The following GPC5 variants were observed in gnomAD, a reference collection of about 807,000 sequenced individuals.
The protein encoded by GPC5 is glypican 5, also known as glypican-5.
In GPC5, 47 loss-of-function variants were observed where a neutral mutation model predicts 53.9. The ratio of observed to expected loss-of-function variants is 0.87; its 90% CI spans 0.69 to 1.11. GPC5 has a LOEUF of 1.11. Among genes scored for constraint, GPC5 ranks in the 50% most tolerant of loss-of-function variants. The probability of loss-of-function intolerance (pLI) is 0.00; values close to 1 mark genes in which losing one functional copy is unlikely to be tolerated. For synonymous variants in GPC5, 286 were observed against 263.3 expected, an observed-to-expected ratio of 1.09 and a Z score of -0.84; for missense variants, 748 against 713.1, an observed-to-expected ratio of 1.05 and a Z score of -0.56.
intron 7 of GPC5, among the ~76,000 whole-genome samples, chr13:92,728,609 C>T (rs1177917462): frequency 6.6e-6 from 1 of 151,236 alleles, no homozygotes; most frequent in African/African-American, 2.4e-5. Flanking sequence ...TAAATGTTGA[C>T]ACATAAAATA....
At chr13:91,718,256 G>A (rs898787850) in intron 3 of GPC5, among the ~76,000 whole-genome samples, 2 of 152,022 alleles carry the variant, frequency 1.3e-5, no homozygotes, top group Non-Finnish European at 2.9e-5. Flanking sequence ...GACTACAGGC[G>A]TCTGCCACCA....
intron 6 of GPC5, among the ~76,000 whole-genome samples, chr13:91,928,937 A>G (rs1170135981): frequency 1.3e-5 from 2 of 152,240 alleles, no homozygotes; most frequent in South Asian, 2.1e-4. Flanking sequence ...AGAAACGGCA[A>G]TATTTCACAG....
intron 7 of GPC5, among the ~76,000 whole-genome samples, chr13:92,850,114 C>A (rs531977126): frequency 6.6e-6 from 1 of 152,124 alleles, no homozygotes; most frequent in South Asian, 2.1e-4. Flanking sequence ...AAATATACAA[C>A]CTTTTTTTTA....
chr13:91,780,803 T>C (rs895517622), intron 5 of GPC5, among the ~76,000 whole-genome samples: 3 of 152,224 alleles, frequency 2.0e-5, no homozygotes, highest in Non-Finnish European at 4.4e-5. Flanking sequence ...TTCAACTTTG[T>C]TCAAGGTCAA....
chr13:91,418,962 A>G (rs1419044473), intron 1 of GPC5, among the ~76,000 whole-genome samples: 2 of 152,044 alleles, frequency 1.3e-5, no homozygotes, highest in African/African-American at 4.8e-5. Context: ...CAGTCCTGAA[A>G]GACAAAAGGT....
At chr13:92,236,881 G>A (rs2042574669) in intron 7 of GPC5, among the ~76,000 whole-genome samples, 1 of 150,730 alleles carries the variant, frequency 6.6e-6, no homozygotes, top group Non-Finnish European at 1.5e-5. Flanking sequence ...TGCAATCATT[G>A]TCTTTGCCTC....
intron 7 of GPC5, among the ~76,000 whole-genome samples, chr13:92,179,355 A>T (rs2042130464): frequency 6.6e-6 from 1 of 152,208 alleles, no homozygotes; most frequent in African/African-American, 2.4e-5. Flanking sequence ...TGACACAGCT[A>T]AGTGCAGATG....
chr13:91,716,646 A>C (rs2036344251), intron 3 of GPC5, among the ~76,000 whole-genome samples: 1 of 151,908 alleles, frequency 6.6e-6, no homozygotes, highest in African/African-American at 2.4e-5. Flanking sequence ...ATATGTTGAA[A>C]CTCCAGTCAG....
chr13:92,381,857 GATT>G (rs2043743620), intron 7 of GPC5, among the ~76,000 whole-genome samples: 1 of 56,116 alleles, frequency 1.8e-5, no homozygotes, highest in African/African-American at 5.5e-5. Context: ...GATCATATAT[GATT>G]ATATATATCA....
chr13:91,441,785 T>C (rs1347207101), intron 1 of GPC5, among the ~76,000 whole-genome samples: 2 of 152,184 alleles, frequency 1.3e-5, no homozygotes, highest in Non-Finnish European at 2.9e-5. Context: ...ACAAAGAAGA[T>C]AGTCTCCAAA....
At chr13:92,773,963 C>T (rs1047260162) in intron 7 of GPC5, among the ~76,000 whole-genome samples, 3 of 152,130 alleles carry the variant, frequency 2.0e-5, no homozygotes, top group South Asian at 2.1e-4. Context: ...GACAAGAGAG[C>T]ATGTGCAGGG....
intron 7 of GPC5, among the ~76,000 whole-genome samples, chr13:92,824,881 A>G (rs1417482979): frequency 6.6e-6 from 1 of 152,140 alleles, no homozygotes; most frequent in Non-Finnish European, 1.5e-5. Context: ...ATATTCCAAT[A>G]TATTTTCTAA....
At chr13:92,323,567 C>G (rs1267195810) in intron 7 of GPC5, among the ~76,000 whole-genome samples, 4 of 151,638 alleles carry the variant, frequency 2.6e-5, no homozygotes, top group Non-Finnish European at 3.0e-5. Flanking sequence ...ATTGTATTAT[C>G]TCCTCAAAAG....
chr13:92,314,396 A>G (rs778197670), intron 7 of GPC5, among the ~76,000 whole-genome samples: 31 of 152,238 alleles, frequency 2.0e-4, no homozygotes, highest in Non-Finnish European at 3.8e-4. Context: ...GATAAAGTTG[A>G]TAATACTTGG....
At chr13:92,359,422 T>C (rs1295768009) in intron 7 of GPC5, among the ~76,000 whole-genome samples, 1 of 151,556 alleles carries the variant, frequency 6.6e-6, no homozygotes, top group Non-Finnish European at 1.5e-5. Context: ...CTTCCTCTCT[T>C]CCTCTGAGTC....
intron 7 of GPC5, among the ~76,000 whole-genome samples, chr13:92,199,369 G>A (rs541379625): frequency 8.5e-5 from 13 of 152,216 alleles, no homozygotes; most frequent in Admixed American, 3.9e-4. Flanking sequence ...CCTTATTTAA[G>A]TTGGATGCAA....
intron 7 of GPC5, among the ~76,000 whole-genome samples, chr13:92,349,206 C>A: frequency 6.6e-6 from 1 of 152,066 alleles, no homozygotes; most frequent in African/African-American, 2.4e-5. Flanking sequence ...TGCGATGGCA[C>A]GATCTCGGCT....
intron 5 of GPC5, among the ~76,000 whole-genome samples, chr13:91,783,223 C>T (rs776018498): frequency 2.4e-4 from 36 of 151,808 alleles, no homozygotes; most frequent in Non-Finnish European, 4.9e-4. Context: ...CACTGCACTC[C>T]AGCCTCGGCA....
chr13:91,841,852 T>C (rs565073265), intron 5 of GPC5, among the ~76,000 whole-genome samples: 68 of 152,232 alleles, frequency 4.5e-4, no homozygotes, highest in Non-Finnish European at 7.6e-4. Flanking sequence ...CAGTTTGAGG[T>C]TCTATTTAAT....
Sources: allele counts gnomAD v4.1 joint callset (sites outside exome capture counted in the v4.1 genomes callset), GRCh38; gene constraint gnomAD v4.1.1; transcripts MANE v1.5; gene names NCBI Gene and HGNC (gene_info 2026-07-23, HGNC 2026-07-21).